PLEKHG3: variants seen among roughly 807,000 people sequenced by gnomAD.
PLEKHG3 encodes the protein pleckstrin homology and RhoGEF domain containing G3.
A neutral mutation model predicts 94.9 loss-of-function variants in PLEKHG3; 62 were observed. The ratio of observed to expected loss-of-function variants is 0.65; its 90% confidence interval spans 0.53 to 0.81. PLEKHG3 has a LOEUF of 0.81. Ranked by LOEUF, PLEKHG3 falls within the 30% of genes least tolerant of loss-of-function variation. The pLI is 0.00. For synonymous variants in PLEKHG3, 614 were observed against 654.0 expected (o/e 0.94, Z 0.93); for missense variants, 1,461 against 1,619.3 (o/e 0.90, Z 1.68).
chr14:64,743,584 C>T lies in PLEKHG3; in HGVS notation c.3541C>T (p.Gln1181Ter). 6.2e-7 allele frequency: 1 copy of T among 1,612,940 alleles called. No individual in the cohort carries two copies. The highest frequency in any genetic ancestry group is 8.5e-7 in the Non-Finnish European group (1 of 1,179,976). The change falls in exon 17 of 17, where the codon CAG becomes TAG. Residue 1181 changes from glutamine to a stop codon, truncating the protein, a stop_gained. Transcript: ENST00000247226. LOFTEE classifies it high-confidence loss of function. The surrounding 1 kb of genome is among the most constrained non-coding windows in gnomAD (Gnocchi z 7.2). Reference sequence around the variant, plus strand: ...CCTGCTGGGGCAGGTTCAGGACTTCCAGCAGTCTGCAGAGTGCCAGCCGAA... The same window carrying T: ...CCTGCTGGGGCAGGTTCAGGACTTCTAGCAGTCTGCAGAGTGCCAGCCGAA... The part of the protein sequence containing the change: ...VALLGQVQDF[Q>*]QSAECQPKEE...
At position 64,749,565 on chromosome 14, in the gene PLEKHG3, C is replaced by T. The variant is rs781166998; in HGVS notation, c.*5862C>T. The T allele has an allele frequency of 4.4e-6, 7 of 1,605,368 alleles. No homozygotes were observed. Among genetic ancestry groups the T allele is most frequent in the Non-Finnish European group, 5.1e-6 (6 of 1,179,010 alleles). ...AATGGTGGGGGCTCTTGGGACTGCCCCTTCTGAGGGGGCCTCCAGGGCAAG... is the reference window on the plus strand; with the variant it reads ...AATGGTGGGGGCTCTTGGGACTGCCTCTTCTGAGGGGGCCTCCAGGGCAAG... On this transcript the variant is annotated 3_prime_UTR_variant, in exon 17 of 17. Transcript: ENST00000247226. The surrounding 1 kb of genome is among the most constrained non-coding windows in gnomAD (Gnocchi z 4.7).
chr14:64,731,193 G>A lies in PLEKHG3; in HGVS notation c.849+24G>A, dbSNP rs2081455051. 6.3e-7 allele frequency: 1 copy of A among 1,591,104 alleles called. No homozygotes were observed. The highest frequency in any genetic ancestry group is 8.6e-7 in the Non-Finnish European group (1 of 1,162,758). On this transcript the variant is annotated intron_variant, in intron 7 of 16. Coordinates refer to ENST00000247226, the MANE Select transcript of PLEKHG3 (RefSeq NM_001308147.2). This position sits in a 1 kb window ranked among gnomAD's most constrained non-coding sequence, Gnocchi z 6.1. ...AGGTGCTCTGGGGCTGGGACGCTGG[G>A]GGAGGGGCAGGGCTGGGTGGGCCAG...
intron 1 of PLEKHG3, among the ~76,000 whole-genome samples, chr14:64,709,999 C>A (rs959398942): frequency 3.3e-5 from 5 of 152,170 alleles, no homozygotes; most frequent in African/African-American, 1.2e-4. Context: ...GTCAGCTGTT[C>A]TGACAGTGGG....
chr14:64,711,078 A>G (rs1007204420), intron 1 of PLEKHG3, among the ~76,000 whole-genome samples: 3 of 152,204 alleles, frequency 2.0e-5, no homozygotes, highest in African/African-American at 4.8e-5. Context: ...AATAAGACCA[A>G]GTAGGTGGTT....
Position 64,722,332 on chromosome 14 carries a change from G to A in PLEKHG3, c.-39-5261G>A, listed in dbSNP as rs781763000. Among the ~76,000 whole-genome samples, 6 of 151,944 alleles carry A rather than the reference G, an allele frequency of 3.9e-5. No individual in the cohort carries two copies. The East Asian group carries it at 1.2e-3, about 29-fold the overall frequency. On this transcript the variant is annotated intron_variant, in intron 1 of 16. Coordinates refer to ENST00000247226, the MANE Select transcript of PLEKHG3 (RefSeq NM_001308147.2). This position sits in a 1 kb window ranked among gnomAD's most constrained non-coding sequence, Gnocchi z 4.3. Reference sequence around the variant, plus strand: ...CAAGCAATTCTCCTGCCTCAGCCTCGCGAGTAGCTGGGATTACAGGTGCAT... The same window carrying A: ...CAAGCAATTCTCCTGCCTCAGCCTCACGAGTAGCTGGGATTACAGGTGCAT...
At chr14:64,733,042 C>T in intron 12 of PLEKHG3, 141 bp downstream of exon 12, 1 of 601,290 alleles carries the variant, frequency 1.7e-6, no homozygotes, top group African/African-American at 1.9e-5. Context: ...TGGACACACA[C>T]CTGGGGCTCA....
At chr14:64,709,161 G>A (rs2081025872) in intron 1 of PLEKHG3, among the ~76,000 whole-genome samples, 1 of 152,194 alleles carries the variant, frequency 6.6e-6, no homozygotes, top group African/African-American at 2.4e-5. Context: ...TCATCTTTGT[G>A]CCCAGACAGC....
At position 64,722,776 on chromosome 14, in the gene PLEKHG3, C is replaced by T. The variant is rs183188786; in HGVS notation, c.-39-4817C>T. Among the ~76,000 whole-genome samples the T allele has an allele frequency of 3.4e-3, 522 of 152,326 alleles. 7 individuals carry two copies. Among genetic ancestry groups the T allele is most frequent in the African/African-American group, 0.012 (489 of 41,568 alleles). On this transcript the variant is annotated intron_variant, in intron 1 of 16. Transcript: ENST00000247226. The surrounding 1 kb of genome is among the most constrained non-coding windows in gnomAD (Gnocchi z 4.3). The stretch of plus-strand genomic sequence containing the variant: ...GTTCACCCCCAAGTGTCCTCTTCCC[C>T]TCTCCTGCCTTGTCCTCAACTCACT...
In PLEKHG3 at chr14:64,743,581, T is replaced by A; in HGVS notation, c.3538T>A (p.Phe1180Ile). The change falls in exon 17 of 17, where the codon TTC (phenylalanine) becomes ATC (isoleucine). Residue 1180 changes from phenylalanine (F) to isoleucine (I), a missense_variant. Around this residue, in one of 3 missense-constraint regions of PLEKHG3, gnomAD observed 1,201 missense variants for 1,295.5 expected, o/e 0.93. Transcript: ENST00000247226. The surrounding 1 kb of genome is among the most constrained non-coding windows in gnomAD (Gnocchi z 7.2). ...GGCCCTGCTGGGGCAGGTTCAGGAC[T>A]TCCAGCAGTCTGCAGAGTGCCAGCC... ...PVALLGQVQD[F>I]QQSAECQPKE... The A allele has an allele frequency of 6.2e-7, 1 of 1,612,962 alleles. No homozygotes were observed. The highest frequency in any genetic ancestry group is 8.5e-7 in the Non-Finnish European group (1 of 1,179,970).
In PLEKHG3 at chr14:64,727,693, C is replaced by T. The variant is rs367708043; in HGVS notation, c.62C>T (p.Ser21Phe). Residue 21 changes from serine to phenylalanine, a missense_variant, in exon 2 of 17, where the codon TCT becomes TTT. Physicochemically the swap from Ser to Phe is radical, Grantham distance 155 (BLOSUM62 -2). This residue lies in a region of PLEKHG3 where 253 missense variants were observed against 297.8 expected (regional missense o/e 0.85). Coordinates refer to ENST00000247226, the MANE Select transcript of PLEKHG3 (RefSeq NM_001308147.2). The surrounding 1 kb of genome is among the most constrained non-coding windows in gnomAD (Gnocchi z 6.0). ...GSQERPVSLT[S>F]TTSSSGSSCD... Reference sequence around the variant, plus strand: ...CAGGAGCGGCCGGTGAGCCTGACCTCTACCACCTCCTCGTCGGGCTCCTCC... The same window carrying T: ...CAGGAGCGGCCGGTGAGCCTGACCTTTACCACCTCCTCGTCGGGCTCCTCC... 6.2e-7 allele frequency: 1 copy of T among 1,612,456 alleles called. No homozygotes were observed. The highest frequency in any genetic ancestry group is 1.3e-5 in the African/African-American group (1 of 74,936).
rs1377635380 is a variant in PLEKHG3 at position 64,721,385 on chromosome 14, G to T, written c.-39-6208G>T. On this transcript the variant is annotated intron_variant, in intron 1 of 16. Transcript: ENST00000247226. The surrounding 1 kb of genome is among the most constrained non-coding windows in gnomAD (Gnocchi z 4.3). ...GGCCGAGGGAACTTTCTGGACTTCA[G>T]TTGCAGGCCCAGGCTTTCTCCTGGA... 6.6e-6 allele frequency among the ~76,000 whole-genome samples: 1 copy of T among 152,160 alleles called. No individual in the cohort carries two copies. The highest frequency in any genetic ancestry group is 1.5e-5 in the Non-Finnish European group (1 of 68,022).
intron 1 of PLEKHG3, among the ~76,000 whole-genome samples, chr14:64,707,863 T>G (rs934957036): frequency 6.6e-6 from 1 of 152,202 alleles, no homozygotes; most frequent in South Asian, 2.1e-4. Flanking sequence ...TTGAGCTGTG[T>G]TTCTTACCCA....
In PLEKHG3 at chr14:64,749,396, G is replaced by C. The variant is rs746873092; in HGVS notation, c.*5693G>C. The C allele has an allele frequency of 3.7e-6, 6 of 1,609,334 alleles. No homozygotes were observed. Among genetic ancestry groups the C allele is most frequent in the Non-Finnish European group, 3.4e-6 (4 of 1,179,766 alleles). ...GGCCGGAGAGGGAAGGCAGGGGCAG[G>C]CTCTGCGCCTTGACGCGGATGCTCT... On this transcript the variant is annotated 3_prime_UTR_variant, in exon 17 of 17. Transcript: ENST00000247226. The surrounding 1 kb of genome is among the most constrained non-coding windows in gnomAD (Gnocchi z 4.7).
At position 64,741,714 on chromosome 14, in the gene PLEKHG3, G is replaced by T. The variant is rs749718417; in HGVS notation, c.2197G>T (p.Gly733Cys). The change falls in exon 16 of 17, where the codon GGC becomes TGC. Residue 733 changes from glycine to cysteine, a missense_variant. By Grantham distance (159) the Gly-to-Cys change is radical. Transcript: ENST00000247226. The part of the protein sequence containing the change: ...YYENAEHHDA[G>C]FSVRRRESLS... ...TGAAAATGCAGAACACCATGATGCA[G>T]GCTTCAGCGTCCGTCGCCGGGAGAG... is the stretch of plus-strand genomic sequence containing the variant. The T allele has an allele frequency of 3.1e-6, 5 of 1,613,104 alleles. No homozygotes were observed. In the South Asian group the frequency reaches 5.5e-5, roughly 18 times the overall value.
intron 1 of PLEKHG3, among the ~76,000 whole-genome samples, chr14:64,724,190 C>T (rs2081313717): frequency 6.6e-6 from 1 of 151,986 alleles, no homozygotes; most frequent in South Asian, 2.1e-4. Flanking sequence ...ATAATGGTTC[C>T]AATCCGGTGT....
At position 64,736,172 on chromosome 14, in the gene PLEKHG3, A is replaced by C. The variant is rs150324638; in HGVS notation, c.1346-681A>C. ...CGAGGCTCTGTAGAACTGGACCTTG[A>C]GACAAGGTCCTCTTATTCCTGCCCT... is the stretch of plus-strand genomic sequence containing the variant. On this transcript the variant is annotated intron_variant, in intron 12 of 16. Transcript: ENST00000247226. 2.3e-4 allele frequency among the ~76,000 whole-genome samples: 35 copies of C among 152,360 alleles called. No homozygotes were observed. In the East Asian group the frequency reaches 6.0e-3, roughly 26 times the overall value.
chr14:64,716,589 T>A lies in PLEKHG3; in HGVS notation c.-39-11004T>A, dbSNP rs1391609776. Among the ~76,000 whole-genome samples the A allele has an allele frequency of 1.3e-5, 2 of 149,560 alleles. No individual in the cohort carries two copies. Among genetic ancestry groups the A allele is most frequent in the African/African-American group, 5.0e-5 (2 of 40,378 alleles). On this transcript the variant is annotated intron_variant, in intron 1 of 16. Transcript: ENST00000247226. This position sits in a 1 kb window ranked among gnomAD's most constrained non-coding sequence, Gnocchi z 5.0. Reference sequence around the variant, plus strand: ...TCTCCCACTTCTTCCTGATGTTTCCTTTTCCCAGAATCCACAGAGGGTGGT... The same window carrying A: ...TCTCCCACTTCTTCCTGATGTTTCCATTTCCCAGAATCCACAGAGGGTGGT...
At chr14:64,729,175 G>T in intron 3 of PLEKHG3, 82 bp downstream of exon 3, 1 of 629,940 alleles carries the variant, frequency 1.6e-6, no homozygotes, top group Non-Finnish European at 2.8e-6. Context: ...GGATGTCCCT[G>T]GTCTCATGGG....
rs1168074689 is a variant in PLEKHG3 at position 64,722,374 on chromosome 14, A to G, written c.-39-5219A>G. The stretch of plus-strand genomic sequence containing the variant: ...CAGGTGCATGCCACCACACCCGGCT[A>G]ATTTTTGTATTTTTAGTAGAGATGG... On this transcript the variant is annotated intron_variant, in intron 1 of 16. Coordinates refer to ENST00000247226, the MANE Select transcript of PLEKHG3 (RefSeq NM_001308147.2). This position sits in a 1 kb window ranked among gnomAD's most constrained non-coding sequence, Gnocchi z 4.3. 1.3e-5 allele frequency among the ~76,000 whole-genome samples: 2 copies of G among 152,024 alleles called. No homozygotes were observed. The highest frequency in any genetic ancestry group is 2.9e-5 in the Non-Finnish European group (2 of 68,004).
Sources: allele counts gnomAD v4.1 joint callset (sites outside exome capture counted in the v4.1 genomes callset), GRCh38; gene constraint gnomAD v4.1.1; regional missense constraint gnomAD v4.1.1; non-coding constraint Gnocchi (gnomAD v3.1); transcripts MANE v1.5; gene names NCBI Gene and HGNC (gene_info 2026-07-23, HGNC 2026-07-21).